The following B3GALT1 variants were observed in gnomAD, a reference collection of about 807,000 sequenced individuals.
The protein encoded by B3GALT1 is beta-1,3-galactosyltransferase 1.
Under a neutral mutation model 23.2 loss-of-function variants are expected in B3GALT1, and 10 were observed. The ratio of observed to expected loss-of-function variants is 0.43; its 90% confidence interval spans 0.27 to 0.73. B3GALT1 has a LOEUF of 0.73. Ranked by LOEUF, B3GALT1 falls within the 30% of genes least tolerant of loss-of-function variation. B3GALT1 has a pLI of 0.21. For missense variants in B3GALT1, 299 were observed against 405.4 expected, an observed-to-expected ratio of 0.74 and a Z score of 2.25; for synonymous variants, 156 against 141.5, an observed-to-expected ratio of 1.10 and a Z score of -0.73.
rs1293321092 is a variant in B3GALT1, at chr2:167,870,125, T to C, written c.*105T>C. ...GGGAAATGAACTGGTGAAGGGGTTT[T>C]GTAAAGTTTTTGCTTCCTGCTATAA... On this transcript the variant is annotated 3_prime_UTR_variant, in exon 5 of 5. Transcript: ENST00000392690. 5 of 1,266,798 alleles carry C rather than the reference T, an allele frequency of 3.9e-6. No homozygotes were observed. The highest frequency in any genetic ancestry group is 1.5e-5 in the African/African-American group (1 of 66,192). The allele number at this position is 1,266,798 out of a possible 1,614,324, so 78.5% of individuals were successfully genotyped here.
intron 2 of B3GALT1, among the ~76,000 whole-genome samples, chr2:167,562,247 A>T (rs1353395617): frequency 1.3e-5 from 2 of 152,212 alleles, no homozygotes; most frequent in Non-Finnish European, 2.9e-5. Context: ...CCTTTGACAA[A>T]ATTCAACAAC....
At chr2:167,402,821 T>A (rs546585298) in intron 1 of B3GALT1, among the ~76,000 whole-genome samples, 1 of 152,274 alleles carries the variant, frequency 6.6e-6, no homozygotes, top group South Asian at 2.1e-4. Flanking sequence ...GTTAGTCATG[T>A]TTCCATGGCA....
intron 3 of B3GALT1, among the ~76,000 whole-genome samples, chr2:167,695,527 G>A (rs988955759): frequency 1.3e-5 from 2 of 152,046 alleles, no homozygotes; most frequent in East Asian, 1.9e-4. Context: ...CAGGGAAATC[G>A]CTTCATAACC....
chr2:167,439,353 C>T (rs1698840920), intron 1 of B3GALT1, among the ~76,000 whole-genome samples: 1 of 152,086 alleles, frequency 6.6e-6, no homozygotes, highest in Non-Finnish European at 1.5e-5. Context: ...ATATTGTCAA[C>T]TGTTCTTTTT....
At chr2:167,408,482 A>G (rs941985567) in intron 1 of B3GALT1, among the ~76,000 whole-genome samples, 1 of 152,168 alleles carries the variant, frequency 6.6e-6, no homozygotes, top group Admixed American at 6.5e-5. Flanking sequence ...CAGTTTCACT[A>G]TTTTTATTGA....
At position 167,626,943 on chromosome 2, in the gene B3GALT1, A is replaced by T. The variant is rs368296366; in HGVS notation, c.-409-19966A>T. On this transcript the variant is annotated intron_variant, in intron 2 of 4. Coordinates refer to ENST00000392690, the MANE Select transcript of B3GALT1 (RefSeq NM_020981.4). ...CTCTTTACTCAGGTAGTTTTCTTCA[A>T]AACACAAAGCAATTATCACAGTGTA... Among the ~76,000 whole-genome samples the T allele has an allele frequency of 1.3e-4, 20 of 151,854 alleles. No individual in the cohort carries two copies. The East Asian group carries it at 1.7e-3, about 13-fold the overall frequency.
rs76678587 is a variant in B3GALT1, at chr2:167,785,497, C to T, written c.-351-33175C>T. ...AGTTTTCTAGAAAGGATCCACATAC[C>T]GTTCTAATCAGGTTGTGTTGCAGGT... On this transcript the variant is annotated intron_variant, in intron 3 of 4. Coordinates refer to ENST00000392690, the MANE Select transcript of B3GALT1 (RefSeq NM_020981.4). Among the ~76,000 whole-genome samples, 926 of 152,204 alleles carry T rather than the reference C, an allele frequency of 6.1e-3. 9 individuals carry two copies. Among genetic ancestry groups the T allele is most frequent in the African/African-American group, 0.021 (879 of 41,514 alleles).
At chr2:167,762,548 T>C (rs1013349955) in intron 3 of B3GALT1, among the ~76,000 whole-genome samples, 1 of 151,502 alleles carries the variant, frequency 6.6e-6, no homozygotes, top group African/African-American at 2.4e-5. Context: ...AAGAAATTGC[T>C]TTGTGAATAC....
chr2:167,551,412 G>A (rs539864912), intron 2 of B3GALT1, among the ~76,000 whole-genome samples: 1 of 152,286 alleles, frequency 6.6e-6, no homozygotes, highest in South Asian at 2.1e-4. Context: ...TAGAGAGAAG[G>A]CAATGTAAGT....
intron 1 of B3GALT1, among the ~76,000 whole-genome samples, chr2:167,391,647 A>G (rs1240474750): frequency 6.6e-6 from 1 of 152,140 alleles, no homozygotes; most frequent in Non-Finnish European, 1.5e-5. Flanking sequence ...GTTTTAGAGG[A>G]TCGATAATGT....
chr2:167,612,598 A>T (rs954126542), intron 2 of B3GALT1, among the ~76,000 whole-genome samples: 1 of 151,890 alleles, frequency 6.6e-6, no homozygotes, highest in South Asian at 2.1e-4. Context: ...TCTGATATTT[A>T]AAATTCCAAC....
intron 2 of B3GALT1, among the ~76,000 whole-genome samples, chr2:167,533,272 T>A (rs1174359211): frequency 6.6e-6 from 1 of 152,202 alleles, no homozygotes; most frequent in East Asian, 1.9e-4. Context: ...GCATTCTGTC[T>A]TTCACCATTA....
intron 3 of B3GALT1, among the ~76,000 whole-genome samples, chr2:167,772,591 T>C (rs1449102369): frequency 6.6e-6 from 1 of 152,216 alleles, no homozygotes; most frequent in African/African-American, 2.4e-5. Flanking sequence ...GCAGCCTTCA[T>C]TTTGGAGACT....
chr2:167,702,490 A>G (rs935663594), intron 3 of B3GALT1, among the ~76,000 whole-genome samples: 37 of 152,326 alleles, frequency 2.4e-4, no homozygotes, highest in Middle Eastern at 3.4e-3. Flanking sequence ...TTTACATTCT[A>G]TGCATTTTTA....
chr2:167,396,493 T>C (rs1205861079), intron 1 of B3GALT1, among the ~76,000 whole-genome samples: 1 of 150,034 alleles, frequency 6.7e-6, no homozygotes, highest in Admixed American at 6.8e-5. Context: ...AATAGAATTA[T>C]TTTCTTTTAA....
At chr2:167,580,229 G>C (rs779098326) in intron 2 of B3GALT1, among the ~76,000 whole-genome samples, 1 of 152,066 alleles carries the variant, frequency 6.6e-6, no homozygotes, top group Non-Finnish European at 1.5e-5. Context: ...AATCTTTTAA[G>C]ATGATAAAAT....
At chr2:167,311,300 C>T (rs1263856325) in intron 1 of B3GALT1, among the ~76,000 whole-genome samples, 1 of 151,868 alleles carries the variant, frequency 6.6e-6, no homozygotes, top group African/African-American at 2.4e-5. Flanking sequence ...TGCAAAGCTG[C>T]GTAATACAAG....
intron 2 of B3GALT1, among the ~76,000 whole-genome samples, chr2:167,552,681 C>T (rs1249626458): frequency 1.3e-5 from 2 of 152,194 alleles, no homozygotes; most frequent in African/African-American, 4.8e-5. Flanking sequence ...ACGGAAGTTG[C>T]CTTTCAGTGA....
At chr2:167,794,981 A>G (rs774473590) in intron 3 of B3GALT1, among the ~76,000 whole-genome samples, 12 of 152,322 alleles carry the variant, frequency 7.9e-5, no homozygotes, top group Middle Eastern at 3.4e-3. Context: ...TACATTTCAT[A>G]GCCTCAAGTC....
Sources: gnomAD v4.1 joint callset for allele counts (sites outside exome capture counted in the v4.1 genomes callset) on GRCh38, gnomAD v4.1.1 for gene constraint, MANE v1.5 for transcripts, NCBI Gene and HGNC (gene_info 2026-07-23, HGNC 2026-07-21) for gene names.